Variants in ELF4 observed in about 807,000 individuals in gnomAD.
ELF4 encodes ETS-related transcription factor Elf-4.
ELF4 carries 10 observed loss-of-function variants against 31.7 expected under a neutral mutation model. The observed-to-expected ratio is 0.32, with a 90% CI of 0.19 to 0.54. The LOEUF is 0.54. Ranked by LOEUF, ELF4 falls within the 20% of genes least tolerant of loss-of-function variation. The pLI is 0.95. For synonymous variants in ELF4, 208 were observed against 226.7 expected (o/e 0.92, Z 0.74); for missense variants, 418 against 522.0 (o/e 0.80, Z 1.94).
intron 1 of ELF4, among the ~76,000 whole-genome samples, chrX:130,108,912 T>C (rs1336524675): frequency 1.8e-5 from 2 of 110,420 alleles, no homozygotes; most frequent in African/African-American, 6.6e-5. Context: ...CTGGCTGGGA[T>C]AGGAAGTCCT....
At position 130,065,722 on chromosome X, in the gene ELF4, CTAT is replaced by C. The variant is rs1339293001; in HGVS notation, c.*996_*998del. The C allele has an allele frequency of 1.1e-5, 2 of 174,618 alleles. No individual in the cohort carries two copies. Among genetic ancestry groups the C allele is most frequent in the African/African-American group, 5.9e-5 (2 of 34,111 alleles). 14.4% of individuals were successfully genotyped at this position (174,618 alleles called of 1,213,427 possible). On this transcript the variant is annotated 3_prime_UTR_variant, in exon 9 of 9. Coordinates refer to ENST00000308167, the MANE Select transcript of ELF4 (RefSeq NM_001421.4). ...AAGTAGGCTGGGGTGTCAGCAAAGG[CTAT>C]TGTCTGGCGGGGGGCCGGTATCACA... is the stretch of plus-strand genomic sequence containing the variant.
chrX:130,066,665 T>C lies in ELF4; in HGVS notation c.*56A>G, dbSNP rs1932679293. 5.2e-6 allele frequency: 6 copies of C among 1,149,574 alleles called. No individual in the cohort carries two copies. Among genetic ancestry groups the C allele is most frequent in the Non-Finnish European group, 7.1e-6 (6 of 843,139 alleles). 94.7% of individuals were successfully genotyped at this position (1,149,574 alleles called of 1,213,427 possible). On this transcript the variant is annotated 3_prime_UTR_variant, in exon 9 of 9. Transcript: ENST00000308167. ...CAGGTGTGCTACTGAAGTCGGTCCC[T>C]ATGAAAATGCTGCTCAATTTTGCCT...
At chrX:130,069,100 T>G (rs1200893469) in intron 8 of ELF4, among the ~76,000 whole-genome samples, 200 bp downstream of exon 8, 2 of 110,558 alleles carry the variant, frequency 1.8e-5, no homozygotes, top group Non-Finnish European at 3.8e-5. Flanking sequence ...GGTGGGTACC[T>G]GTAATCCCAG....
At chrX:130,110,719 G>A (rs1933471229), upstream of ELF4, 1 of 105,826 alleles carries the variant, frequency 9.4e-6, no homozygotes, top group South Asian at 4.2e-4. Flanking sequence ...CAAATACCAG[G>A]TGAGACGGCG....
intron 1 of ELF4, among the ~76,000 whole-genome samples, chrX:130,093,526 C>T (rs774179412): frequency 3.0e-4 from 34 of 111,562 alleles, no homozygotes; most frequent in South Asian, 2.6e-3. Context: ...GGTTCCTAGC[C>T]GTAGGGCTGT....
At chrX:130,088,301 T>C (rs1932993716) in intron 1 of ELF4, among the ~76,000 whole-genome samples, 1 of 181 alleles carries the variant, frequency 5.5e-3, no homozygotes, top group Non-Finnish European at 9.8e-3. Context: ...CCAGGTAGGG[T>C]AGCTGGAACC....
rs1174705482 is a variant in ELF4 at position 130,110,488 on chromosome X, AAGG to A, written c.-376_-374del. 3 of 108,141 alleles carry A rather than the reference AAGG, an allele frequency of 2.8e-5. No homozygotes were observed. Among genetic ancestry groups the A allele is most frequent in the Non-Finnish European group, 5.8e-5 (3 of 51,592 alleles). The allele number at this position is 108,141 out of a possible 1,213,427, so 8.9% of individuals were successfully genotyped here. A position where few individuals can be genotyped will look rare whatever the true frequency, so the allele number is the denominator to read the frequency against. ...GGCGCCAGGAACTCGGCGCCGGCGA[AAGG>A]AGAAGTGGAAGTTGAGCGCGGCGCC... On this transcript the variant is annotated 5_prime_UTR_variant, in exon 1 of 9. Transcript: ENST00000308167.
In ELF4 at chrX:130,067,126, G is replaced by A. The variant is rs1932695144; in HGVS notation, c.1587C>T (p.Gly529=). The A allele has an allele frequency of 8.3e-7, 1 of 1,201,401 alleles. No individual in the cohort carries two copies. Among genetic ancestry groups the A allele is most frequent in the Non-Finnish European group, 1.1e-6 (1 of 889,259 alleles). The change falls in exon 9 of 9, where the codon GGC becomes GGT. Residue 529 remains glycine (G), a synonymous_variant. Coordinates refer to ENST00000308167, the MANE Select transcript of ELF4 (RefSeq NM_001421.4). ...CCTTGACCCTAGGGGCTGCTGTAGT[G>A]CCAGAAGTCCTGATGAAGGCAGCAA... ...TVIAAFIRTS[G]TTAAPRVKEG... is the part of the protein sequence containing the mutation.
intron 1 of ELF4, among the ~76,000 whole-genome samples, chrX:130,089,774 C>CA (rs1933024024): frequency 8.9e-6 from 1 of 112,010 alleles, no homozygotes; most frequent in African/African-American, 3.2e-5. Context: ...CAAGAACACA[C>CA]AGCAGTCAAA....
chrX:130,081,668 G>A lies in ELF4; in HGVS notation c.-209-129C>T, dbSNP rs1008774539. ...CTGCCAATAGAGGAGTGGCCGAAAC[G>A]GGAGGATGATGAGAGAAGAAAAGCG... On this transcript the variant is annotated intron_variant, in intron 1 of 8. Coordinates refer to ENST00000308167, the MANE Select transcript of ELF4 (RefSeq NM_001421.4). 9.3e-6 allele frequency: 3 copies of A among 322,391 alleles called. No homozygotes were observed. The South Asian group carries it at 1.4e-4, about 15-fold the overall frequency. The allele number at this position is 322,391 out of a possible 1,213,427, so 26.6% of individuals were successfully genotyped here.
In ELF4 at chrX:130,069,691, G is replaced by T; in HGVS notation, c.810-14C>A. ...TGGTAGTAGTATCTAGAGGAAGAGGGGCAGGGAGTTGGGAGTTAGCCGGGA... is the reference window on the plus strand; with the variant it reads ...TGGTAGTAGTATCTAGAGGAAGAGGTGCAGGGAGTTGGGAGTTAGCCGGGA... On this transcript the variant is annotated splice_polypyrimidine_tract_variant and intron_variant, in intron 7 of 8. Transcript: ENST00000308167. 1 of 1,210,630 alleles carries T rather than the reference G, an allele frequency of 8.3e-7. No homozygotes were observed.
chrX:130,081,206 T>A, intron 2 of ELF4, 50 bp downstream of exon 2: 10 of 1,183,840 alleles, frequency 8.4e-6, no homozygotes, highest in Non-Finnish European at 1.1e-5. Flanking sequence ...TGTCTGTGTC[T>A]ATCTGATTGT....
At chrX:130,070,500 G>A (rs1476516001) in intron 7 of ELF4, among the ~76,000 whole-genome samples, 10 of 109,280 alleles carry the variant, frequency 9.2e-5, no homozygotes, top group African/African-American at 1.7e-4. Flanking sequence ...GCGTGAACCC[G>A]GGAGGTAGAG....
Position 130,069,422 on chromosome X carries a change from A to T in ELF4, c.1065T>A (p.His355Gln). 8.3e-7 allele frequency: 1 copy of T among 1,212,091 alleles called. No individual in the cohort carries two copies. Among genetic ancestry groups the T allele is most frequent in the African/African-American group, 1.7e-5 (1 of 57,908 alleles). Residue 355 changes from histidine to glutamine, a missense_variant, in exon 8 of 9, where the codon CAT (histidine) becomes CAA (glutamine). Transcript: ENST00000308167. Reference sequence around the variant, plus strand: ...GACTCGCAGATGGCTGGAGACCGACATGCTGAATTTTTGGCTTCTCCCAAG... The same window carrying T: ...GACTCGCAGATGGCTGGAGACCGACTTGCTGAATTTTTGGCTTCTCCCAAG... ...SSSWEKPKIQHVGLQPSASLE... is the reference protein window; with the variant it reads ...SSSWEKPKIQQVGLQPSASLE...
intron 7 of ELF4, among the ~76,000 whole-genome samples, chrX:130,070,391 T>C (rs1267183961): frequency 1.8e-5 from 2 of 110,240 alleles, no homozygotes; most frequent in East Asian, 5.7e-4. Context: ...GCTAACATGG[T>C]GAAACCCCCA....
At chrX:130,089,082 G>C (rs187766861) in intron 1 of ELF4, among the ~76,000 whole-genome samples, 1 of 111,384 alleles carries the variant, frequency 9.0e-6, no homozygotes, top group Non-Finnish European at 1.9e-5. Flanking sequence ...AGGGGTGCCA[G>C]AAAGGATGAG....
chrX:130,103,639 C>T (rs1055068833), intron 1 of ELF4, among the ~76,000 whole-genome samples: 8 of 112,141 alleles, frequency 7.1e-5, no homozygotes, highest in African/African-American at 2.3e-4. Context: ...AGATTAGCTC[C>T]TCATTCTATG....
intron 1 of ELF4, among the ~76,000 whole-genome samples, chrX:130,108,297 A>G (rs1933409974): frequency 9.0e-6 from 1 of 111,166 alleles, no homozygotes; most frequent in Non-Finnish European, 1.9e-5. Flanking sequence ...TGACAAAGTG[A>G]GACCCTGAAT....
At chrX:130,077,264 C>G (rs1297238029) in intron 2 of ELF4, among the ~76,000 whole-genome samples, 1 of 110,573 alleles carries the variant, frequency 9.0e-6, no homozygotes, top group East Asian at 2.8e-4. Context: ...CTGGACAGCA[C>G]AAACATAGAA....
Sources: gnomAD v4.1 joint callset for allele counts (sites outside exome capture counted in the v4.1 genomes callset) on GRCh38, gnomAD v4.1.1 for gene constraint, MANE v1.5 for transcripts, NCBI Gene and HGNC (gene_info 2026-07-23, HGNC 2026-07-21) for gene names.